Variants in ZNF226 observed in about 807,000 individuals in gnomAD.
The protein encoded by ZNF226 is Kruppel-associated box protein.
A neutral mutation model predicts 11.4 loss-of-function variants in ZNF226; 6 were observed. That is an observed-to-expected ratio of 0.53 (90% CI 0.29 to 1.04). ZNF226 has a LOEUF of 1.04. ZNF226 is among the 50% of genes least tolerant of loss of function. The pLI is 0.08. For synonymous variants in ZNF226, 350 were observed against 322.8 expected, an observed-to-expected ratio of 1.08 and a Z score of -0.90; for missense variants, 1,058 against 956.5, an observed-to-expected ratio of 1.11 and a Z score of -1.40.
intron 4 of ZNF226, 186 bp downstream of exon 4, chr19:44,172,400 G>A (rs1295757854): frequency 1.5e-6 from 1 of 672,226 alleles, no homozygotes; most frequent in Non-Finnish European, 2.3e-6. Context: ...TTTTATAGAA[G>A]AACTGTAAAT....
Position 44,176,718 on chromosome 19 carries a change from C to CT in ZNF226, c.1457dup (p.Ser487GlufsTer21), listed in dbSNP as rs1970718143. The CT allele has an allele frequency of 4.3e-6, 7 of 1,614,006 alleles. No homozygotes were observed. The highest frequency in any genetic ancestry group is 2.2e-5 in the South Asian group (2 of 91,068). ...TACTGTATGTGGGAAAGGCTTTACT[C>CT]TGAGTTCAAATCTTCAAGCCCATCA... On this transcript the variant is annotated frameshift_variant, in exon 6 of 6. Coordinates refer to ENST00000337433, the MANE Select transcript of ZNF226 (RefSeq NM_001032373.2). LOFTEE classifies it low-confidence loss of function (END_TRUNC).
At chr19:44,183,188 A>C (rs770635837), downstream of ZNF226, among the ~76,000 whole-genome samples, 17 of 152,240 alleles carry the variant, frequency 1.1e-4, no homozygotes, top group Non-Finnish European at 2.1e-4. Context: ...ACTAGAGCTG[A>C]ATTGACATTA....
the ZNF226 span, among the ~76,000 whole-genome samples, chr19:44,193,763 C>G: frequency 6.6e-6 from 1 of 152,334 alleles, no homozygotes; most frequent in Non-Finnish European, 1.5e-5. Flanking sequence ...GTTCCAGTCT[C>G]TTAATTCAGC....
chr19:44,175,420 T>C, intron 5 of ZNF226, 78 bp from the exon 6 acceptor site: 3 of 1,495,978 alleles, frequency 2.0e-6, no homozygotes, highest in Non-Finnish European at 2.7e-6. Flanking sequence ...TTAAAGTCTT[T>C]TACTCTGTCC....
chr19:44,182,909 G>A (rs1213241561), downstream of ZNF226, among the ~76,000 whole-genome samples: 1 of 152,156 alleles, frequency 6.6e-6, no homozygotes, highest in African/African-American at 2.4e-5. Context: ...TGAATAAGTG[G>A]AAAGACTCTG....
intron 3 of ZNF226, among the ~76,000 whole-genome samples, chr19:44,170,580 A>AAAAATGAG (rs1969970972): frequency 6.6e-6 from 1 of 152,156 alleles, no homozygotes; most frequent in East Asian, 1.9e-4. Context: ...TAAAAATACA[A>AAAAATGAG]AAAATGAGCC....
At chr19:44,183,204 G>C (rs1970934022), downstream of ZNF226, among the ~76,000 whole-genome samples, 1 of 152,142 alleles carries the variant, frequency 6.6e-6, no homozygotes, top group South Asian at 2.1e-4. Flanking sequence ...CATTAACTCT[G>C]AGAACCCTAA....
chr19:44,165,412 A>G (rs991775154), intron 1 of ZNF226, among the ~76,000 whole-genome samples: 1 of 151,808 alleles, frequency 6.6e-6, no homozygotes, highest in Non-Finnish European at 1.5e-5. Context: ...CAGCCCTACC[A>G]CTTCATACAG....
chr19:44,177,646 C>A lies in ZNF226; in HGVS notation c.2384C>A (p.Ser795Tyr). 6.3e-7 allele frequency: 1 copy of A among 1,589,234 alleles called. No homozygotes were observed. Among genetic ancestry groups the A allele is most frequent in the Non-Finnish European group, 8.5e-7 (1 of 1,169,822 alleles). Residue 795 changes from serine to tyrosine, a missense_variant, in exon 6 of 6, where the codon TCC (serine) becomes TAC (tyrosine). By Grantham distance (144) the Ser-to-Tyr change is moderately radical (BLOSUM62 -2). Coordinates refer to ENST00000337433, the MANE Select transcript of ZNF226 (RefSeq NM_001032373.2). Reference sequence around the variant, plus strand: ...AGGGGTGGTAAGAACATCAGAGAATCCACACAGGAAAAAAAATCTATAAAA... The same window carrying A: ...AGGGGTGGTAAGAACATCAGAGAATACACACAGGAAAAAAAATCTATAAAA... ...SNRGGKNIRE[S>Y]TQEKKSIK
At chr19:44,183,463 T>C in the ZNF226 span, among the ~76,000 whole-genome samples, 1 of 152,150 alleles carries the variant, frequency 6.6e-6, no homozygotes, top group African/African-American at 2.4e-5. Flanking sequence ...AAATGCTTTG[T>C]ATGTGCCAAA....
intron 2 of ZNF226, 138 bp from the exon 3 acceptor site, chr19:44,169,897 A>G: frequency 4.0e-6 from 2 of 496,994 alleles, no homozygotes; most frequent in South Asian, 4.2e-5. Context: ...TCTGGGATCC[A>G]TGTCATAATC....
intron 5 of ZNF226, chr19:44,174,887 T>C (rs1415150905): frequency 2.6e-6 from 3 of 1,165,896 alleles, no homozygotes; most frequent in Non-Finnish European, 3.7e-6. Context: ...CTTTGATTTT[T>C]CTCTTCAGCA....
the ZNF226 span, among the ~76,000 whole-genome samples, chr19:44,197,508 A>G: frequency 6.6e-6 from 1 of 152,342 alleles, no homozygotes; most frequent in South Asian, 2.1e-4. Context: ...ATATTGGTCA[A>G]AAGATATAAC....
At chr19:44,197,157 G>A in the ZNF226 span, among the ~76,000 whole-genome samples, 3 of 152,142 alleles carry the variant, frequency 2.0e-5, no homozygotes, top group African/African-American at 7.2e-5. Context: ...TTACTGTAGA[G>A]CAAGTGTAGG....
the ZNF226 span, among the ~76,000 whole-genome samples, chr19:44,193,987 A>C: frequency 7.2e-5 from 11 of 152,266 alleles, no homozygotes; most frequent in African/African-American, 2.7e-4. Flanking sequence ...AGAAAAGCCC[A>C]AAAATTTTGT....
At chr19:44,170,753 A>T (rs887540745) in intron 3 of ZNF226, among the ~76,000 whole-genome samples, 24 of 152,064 alleles carry the variant, frequency 1.6e-4, no homozygotes, top group Non-Finnish European at 1.9e-4. Flanking sequence ...AATAAATAAA[A>T]AATAAAAAAA....
chr19:44,178,848 A>G (rs765180973), downstream of ZNF226, among the ~76,000 whole-genome samples: 2 of 152,160 alleles, frequency 1.3e-5, no homozygotes, highest in Admixed American at 6.5e-5. Context: ...GAAAATGATG[A>G]CCAAATTTTA....
chr19:44,170,025 TCTTTC>T lies in ZNF226; in HGVS notation c.-46-7_-46-3del. The T allele has an allele frequency of 6.4e-7, 1 of 1,567,134 alleles. No homozygotes were observed. Among genetic ancestry groups the T allele is most frequent in the Non-Finnish European group, 8.7e-7 (1 of 1,153,488 alleles). ...ACCCAGTTTTGATTTATTTCTCTCT[TCTTTC>T]CTAGTTCAGCTTCTTAGGACTCTGC... is the stretch of plus-strand genomic sequence containing the variant. On this transcript the variant is annotated splice_polypyrimidine_tract_variant and splice_region_variant and intron_variant, in intron 2 of 5. Coordinates refer to ENST00000337433, the MANE Select transcript of ZNF226 (RefSeq NM_001032373.2).
chr19:44,192,297 C>T, the ZNF226 span, among the ~76,000 whole-genome samples: 2 of 151,730 alleles, frequency 1.3e-5, no homozygotes, highest in Non-Finnish European at 2.9e-5. Flanking sequence ...AGAGAGAGAG[C>T]GAGCGAGAGA....
Sources: allele counts gnomAD v4.1 joint callset (sites outside exome capture counted in the v4.1 genomes callset), GRCh38; gene constraint gnomAD v4.1.1; transcripts MANE v1.5; gene names NCBI Gene and HGNC (gene_info 2026-07-23, HGNC 2026-07-21).